CDH22: variants seen among roughly 807,000 people sequenced by gnomAD.
CDH22 encodes cadherin-22.
Under a neutral mutation model 58.4 loss-of-function variants are expected in CDH22, and 30 were observed. The observed-to-expected ratio is 0.51, with a 90% confidence interval of 0.38 to 0.70. The LOEUF (loss-of-function observed/expected upper bound fraction) is 0.70, where lower values mean the gene tolerates loss of function less well. Among genes scored for constraint, CDH22 ranks in the 30% least tolerant of loss-of-function variants. CDH22 has a pLI of 0.00. For missense variants in CDH22, 1,014 were observed against 1,233.9 expected (o/e 0.82, Z 2.67); for synonymous variants, 513 against 558.2 (o/e 0.92, Z 1.14).
intron 10 of CDH22, among the ~76,000 whole-genome samples, chr20:46,181,791 C>CTTTCT (rs2085790758): frequency 7.9e-6 from 1 of 126,424 alleles, no homozygotes; most frequent in South Asian, 2.5e-4. Flanking sequence ...TTCTTTCTTT[C>CTTTCT]TTTTCTCTCT....
chr20:46,269,057 A>C lies in CDH22; in HGVS notation c.-399-17364T>G, dbSNP rs577725684. Among the ~76,000 whole-genome samples, 4 of 152,324 alleles carry C rather than the reference A, an allele frequency of 2.6e-5. No homozygotes were observed. In the South Asian group the frequency reaches 8.3e-4, roughly 32 times the overall value. On this transcript the variant is annotated intron_variant, in intron 1 of 11. Transcript: ENST00000537909. The stretch of plus-strand genomic sequence containing the variant: ...CTCTAACGATTAGACATAGTTGCCA[A>C]ATAATTGATCAGGCCCTGTGACCCC...
intron 8 of CDH22, among the ~76,000 whole-genome samples, chr20:46,197,861 G>A (rs1345997016): frequency 6.6e-6 from 1 of 152,140 alleles, no homozygotes; most frequent in Non-Finnish European, 1.5e-5. Context: ...GGGCCAGTGG[G>A]GCCTGGGAAA....
In CDH22 at chr20:46,216,758, G is replaced by T; in HGVS notation, c.838+68C>A. 1 of 1,433,606 alleles carries T rather than the reference G, an allele frequency of 7.0e-7. No individual in the cohort carries two copies. The highest frequency in any genetic ancestry group is 9.7e-7 in the Non-Finnish European group (1 of 1,031,348). The allele number at this position is 1,433,606 out of a possible 1,614,324, so 88.8% of individuals were successfully genotyped here. On this transcript the variant is annotated intron_variant, in intron 5 of 11. Coordinates refer to ENST00000537909, the MANE Select transcript of CDH22 (RefSeq NM_021248.3). The surrounding 1 kb of genome is among the most constrained non-coding windows in gnomAD (Gnocchi z 5.3). The stretch of plus-strand genomic sequence containing the variant: ...GAAGTCTAAAGGGAAGCTGGGGTCA[G>T]CAGGTGGCTTGGATGGGGTAACAGA...
In CDH22 at chr20:46,251,903, C is replaced by G. The variant is rs2086379319; in HGVS notation, c.-399-210G>C. Among the ~76,000 whole-genome samples, 1 of 152,028 alleles carries G rather than the reference C, an allele frequency of 6.6e-6. No individual in the cohort carries two copies. ...CCCTCTCCCGCACATCGCAGCCTCT[C>G]CTTTCACCTGGCATCATACGCCCTG... On this transcript the variant is annotated intron_variant, in intron 1 of 11. Transcript: ENST00000537909. The surrounding 1 kb of genome is among the most constrained non-coding windows in gnomAD (Gnocchi z 6.7).
At chr20:46,282,091 AAAG>A (rs1178359461) in intron 1 of CDH22, among the ~76,000 whole-genome samples, 1 of 152,216 alleles carries the variant, frequency 6.6e-6, no homozygotes, top group Non-Finnish European at 1.5e-5. Context: ...TTTTGTCCCC[AAAG>A]ATACCGATAC....
chr20:46,307,472 T>C (rs1020274491), intron 1 of CDH22, among the ~76,000 whole-genome samples: 2 of 152,184 alleles, frequency 1.3e-5, no homozygotes, highest in African/African-American at 4.8e-5. Flanking sequence ...CTTTGGACGT[T>C]AGGCTGTCGG....
intron 1 of CDH22, among the ~76,000 whole-genome samples, chr20:46,262,161 G>A (rs992696247): frequency 1.3e-5 from 2 of 151,646 alleles, no homozygotes; most frequent in Non-Finnish European, 2.9e-5. Flanking sequence ...AGTGATGCAC[G>A]TGTAGTGTTG....
chr20:46,270,280 T>C (rs2086480461), intron 1 of CDH22, among the ~76,000 whole-genome samples: 1 of 152,018 alleles, frequency 6.6e-6, no homozygotes, highest in African/African-American at 2.4e-5. Flanking sequence ...GGAGAGAATA[T>C]TTCTCACAGG....
At chr20:46,271,566 C>T (rs1432808544) in intron 1 of CDH22, among the ~76,000 whole-genome samples, 2 of 152,174 alleles carry the variant, frequency 1.3e-5, no homozygotes, top group African/African-American at 4.8e-5. Flanking sequence ...TCTCAGCCCA[C>T]TGCCATCTGG....
chr20:46,304,617 T>C (rs560253717), intron 1 of CDH22, among the ~76,000 whole-genome samples: 112 of 152,288 alleles, frequency 7.4e-4, no homozygotes, highest in African/African-American at 2.5e-3. Flanking sequence ...AATCCCAATG[T>C]GACAGCAGGA....
intron 1 of CDH22, among the ~76,000 whole-genome samples, chr20:46,293,963 C>A (rs548738131): frequency 2.0e-5 from 3 of 152,054 alleles, no homozygotes; most frequent in Non-Finnish European, 4.4e-5. Flanking sequence ...TGCAGTGAGC[C>A]GAGACTGCAC....
At chr20:46,265,125 C>T (rs1476895459) in intron 1 of CDH22, among the ~76,000 whole-genome samples, 2 of 152,200 alleles carry the variant, frequency 1.3e-5, no homozygotes, top group African/African-American at 2.4e-5. Flanking sequence ...TTTTACACCG[C>T]GCCCTGTCAG....
In CDH22 at chr20:46,214,459, C is replaced by T. The variant is rs76770182; in HGVS notation, c.839-1271G>A. On this transcript the variant is annotated intron_variant, in intron 5 of 11. Coordinates refer to ENST00000537909, the MANE Select transcript of CDH22 (RefSeq NM_021248.3). ...TGAAACACGAGATGAACATGCCACT[C>T]CCCTGCTTTAATCCCTTTTATAGCT... Among the ~76,000 whole-genome samples the T allele has an allele frequency of 1.9e-3, 284 of 152,298 alleles. 8 individuals carry two copies. In the East Asian group the frequency reaches 0.053, roughly 28 times the overall value.
At chr20:46,288,575 G>A (rs2086586239) in intron 1 of CDH22, among the ~76,000 whole-genome samples, 1 of 152,148 alleles carries the variant, frequency 6.6e-6, no homozygotes, top group African/African-American at 2.4e-5. Flanking sequence ...AAACCCTCAT[G>A]TCTGAACCCG....
At chr20:46,191,299 G>C (rs1053192764) in intron 8 of CDH22, among the ~76,000 whole-genome samples, 2 of 152,148 alleles carry the variant, frequency 1.3e-5, no homozygotes, top group African/African-American at 4.8e-5. Context: ...GGATCAGCAC[G>C]TGCAAAGGCC....
At chr20:46,183,331 T>G (rs2085802095) in intron 10 of CDH22, among the ~76,000 whole-genome samples, 1 of 152,208 alleles carries the variant, frequency 6.6e-6, no homozygotes, top group African/African-American at 2.4e-5. Context: ...TAGTAAAGTT[T>G]CCAGGGTCCT....
At position 46,227,723 on chromosome 20, in the gene CDH22, C is replaced by T. The variant is rs2086189275; in HGVS notation, c.551-96G>A. 9 of 1,490,462 alleles carry T rather than the reference C, an allele frequency of 6.0e-6. No homozygotes were observed. The South Asian group carries it at 7.9e-5, about 13-fold the overall frequency. The allele number at this position is 1,490,462 out of a possible 1,614,324, so 92.3% of individuals were successfully genotyped here. ...CCCCAGGGAAGCTGGGAGAGGAGACCCTCGGGAGACCTGCGGGAGGCCATC... is the reference window on the plus strand; with the variant it reads ...CCCCAGGGAAGCTGGGAGAGGAGACTCTCGGGAGACCTGCGGGAGGCCATC... On this transcript the variant is annotated intron_variant, in intron 3 of 11. Transcript: ENST00000537909.
chr20:46,282,728 C>A (rs1054060972), intron 1 of CDH22, among the ~76,000 whole-genome samples: 7 of 152,120 alleles, frequency 4.6e-5, no homozygotes, highest in African/African-American at 1.7e-4. Flanking sequence ...AGCTTATCCG[C>A]CTCCCCCAGT....
intron 3 of CDH22, among the ~76,000 whole-genome samples, chr20:46,238,689 C>A (rs773289701): frequency 6.6e-6 from 1 of 152,214 alleles, no homozygotes; most frequent in Non-Finnish European, 1.5e-5. Context: ...CATATCCAAT[C>A]CATTAGCAAA....
Sources: allele counts gnomAD v4.1 joint callset (sites outside exome capture counted in the v4.1 genomes callset), GRCh38; gene constraint gnomAD v4.1.1; non-coding constraint Gnocchi (gnomAD v3.1); transcripts MANE v1.5; gene names NCBI Gene and HGNC (gene_info 2026-07-23, HGNC 2026-07-21).